Variants in CRHR1 observed in about 807,000 individuals in gnomAD.
The protein encoded by CRHR1 is corticotropin releasing hormone receptor 1.
In CRHR1, 28 loss-of-function variants were observed where a neutral mutation model predicts 56.0. That is an observed-to-expected ratio of 0.50 (90% CI 0.37 to 0.69). The LOEUF is 0.69. Among genes scored for constraint, CRHR1 ranks in the 30% least tolerant of loss-of-function variants. CRHR1 has a pLI of 0.00. For synonymous variants in CRHR1, 195 were observed against 216.5 expected (o/e 0.90, Z 0.87); for missense variants, 376 against 548.0 (o/e 0.69, Z 3.13).
rs551094849 is a variant in CRHR1, at chr17:45,834,704, C to T, written c.1188C>T (p.Ser396=). Residue 396 remains serine (S), a synonymous_variant, in exon 13 of 13, where the codon TCC becomes TCT. Transcript: ENST00000314537. ...SIRARVARAM[S]IPTSPTRVSF... The stretch of plus-strand genomic sequence containing the variant: ...GTGCCCGAGTGGCCCGTGCCATGTC[C>T]ATCCCCACCTCCCCAACCCGTGTCA... 3 of 1,613,810 alleles carry T rather than the reference C, an allele frequency of 1.9e-6. No individual in the cohort carries two copies. Among genetic ancestry groups the T allele is most frequent in the South Asian group, 2.2e-5 (2 of 91,086 alleles).
At chr17:45,807,663 G>A (rs140243461) in intron 2 of CRHR1, among the ~76,000 whole-genome samples, 276 of 152,326 alleles carry the variant, frequency 1.8e-3, no homozygotes, top group African/African-American at 6.5e-3. Context: ...AGTGGAGCAC[G>A]GGCAGCCCAG....
chr17:45,800,149 C>T (rs2061596311), intron 1 of CRHR1: 1 of 152,520 alleles, frequency 6.6e-6, no homozygotes, highest in African/African-American at 2.4e-5. Flanking sequence ...CCCATCTCTT[C>T]TGAGTTCCTT....
intron 1 of CRHR1, among the ~76,000 whole-genome samples, chr17:45,802,005 G>A (rs936146493): frequency 7.9e-5 from 12 of 151,354 alleles, no homozygotes; most frequent in Admixed American, 3.3e-4. Context: ...AGAATTCTCC[G>A]TGTTTTTTTT....
At chr17:45,824,629 C>T (rs1279190334) in intron 4 of CRHR1, among the ~76,000 whole-genome samples, 3 of 152,170 alleles carry the variant, frequency 2.0e-5, no homozygotes, top group South Asian at 2.1e-4. Flanking sequence ...GGAAGAGGAT[C>T]GGGAGCCCGG....
rs1351006284 is a variant in CRHR1 at position 45,835,546 on chromosome 17, G to A, written c.*782G>A. 1 of 152,596 alleles carries A rather than the reference G, an allele frequency of 6.6e-6. No homozygotes were observed. The highest frequency in any genetic ancestry group is 1.5e-5 in the Non-Finnish European group (1 of 68,280). 9.5% of individuals were successfully genotyped at this position (152,596 alleles called of 1,614,324 possible). ...CAGAGTGGCCTGTGAGCAAGAGCCAGGGGTGTCCCAGTCCCAGCCTCTGGG... is the reference window on the plus strand; with the variant it reads ...CAGAGTGGCCTGTGAGCAAGAGCCAAGGGTGTCCCAGTCCCAGCCTCTGGG... On this transcript the variant is annotated 3_prime_UTR_variant, in exon 13 of 13. Transcript: ENST00000314537.
At chr17:45,788,566 G>A (rs573973001) in intron 1 of CRHR1, among the ~76,000 whole-genome samples, 1 of 152,292 alleles carries the variant, frequency 6.6e-6, no homozygotes, top group Admixed American at 6.5e-5. Context: ...TGGGGGAAAT[G>A]CCTAACTCAG....
In CRHR1 at chr17:45,830,183, C is replaced by T. The variant is rs369177405; in HGVS notation, c.524C>T (p.Thr175Ile). ...GCCACCTGGTTCGTGGTCCAGCTAA[C>T]CATGAGCCCCGAGGTCCACCAGAGC... ...RNATWFVVQL[T>I]MSPEVHQSNV... The change falls in exon 6 of 13, where the codon ACC (threonine) becomes ATC (isoleucine). Residue 175 changes from threonine to isoleucine, a missense_variant. Thr to Ile is a moderately conservative substitution (Grantham distance 89). Around this residue, in one of 2 missense-constraint regions of CRHR1, gnomAD observed 369 missense variants for 519.5 expected, o/e 0.71. Coordinates refer to ENST00000314537, the MANE Select transcript of CRHR1 (RefSeq NM_004382.5). 1.9e-6 allele frequency: 3 copies of T among 1,614,036 alleles called. No homozygotes were observed. Among genetic ancestry groups the T allele is most frequent in the East Asian group, 2.2e-5 (1 of 44,882 alleles).
At chr17:45,830,267 G>A (rs1290396221) in intron 6 of CRHR1, 53 bp downstream of exon 6, 12 of 1,594,414 alleles carry the variant, frequency 7.5e-6, no homozygotes, top group Middle Eastern at 1.7e-4. Context: ...CAGGTCAGAG[G>A]AGGGGCCCGC....
At chr17:45,787,135 A>G (rs563981914) in intron 1 of CRHR1, among the ~76,000 whole-genome samples, 3 of 152,294 alleles carry the variant, frequency 2.0e-5, no homozygotes, top group South Asian at 2.1e-4. Flanking sequence ...GCCTCACACT[A>G]TAACAGTTAC....
Position 45,835,115 on chromosome 17 carries a change from C to T in CRHR1, c.*351C>T, listed in dbSNP as rs1291592250. On this transcript the variant is annotated 3_prime_UTR_variant, in exon 13 of 13. Coordinates refer to ENST00000314537, the MANE Select transcript of CRHR1 (RefSeq NM_004382.5). The stretch of plus-strand genomic sequence containing the variant: ...TTCTCCCAGAGCACAAGAAGGCCAG[C>T]CCACTGGGCCCTGGGGCTGCCCTCG... 3.6e-6 allele frequency: 1 copy of T among 280,556 alleles called. No homozygotes were observed. Among genetic ancestry groups the T allele is most frequent in the African/African-American group, 2.2e-5 (1 of 46,372 alleles). The allele number at this position is 280,556 out of a possible 1,614,324, so 17.4% of individuals were successfully genotyped here.
intron 1 of CRHR1, among the ~76,000 whole-genome samples, chr17:45,806,278 G>A (rs1304142768): frequency 2.0e-5 from 3 of 152,188 alleles, no homozygotes; most frequent in Non-Finnish European, 2.9e-5. Context: ...AGAGTGACAC[G>A]GAGCCTTCAG....
intron 2 of CRHR1, among the ~76,000 whole-genome samples, chr17:45,813,624 T>G (rs1446005509): frequency 6.6e-6 from 1 of 152,204 alleles, no homozygotes; most frequent in Non-Finnish European, 1.5e-5. Context: ...GAGGGGCAGC[T>G]GCCCAGATCA....
At chr17:45,804,865 A>C (rs2061691671) in intron 1 of CRHR1, among the ~76,000 whole-genome samples, 2 of 151,270 alleles carry the variant, frequency 1.3e-5, no homozygotes, top group African/African-American at 4.9e-5. Context: ...CCCAGGCTGG[A>C]GTGCAGTGGC....
chr17:45,830,868 T>G lies in CRHR1; in HGVS notation c.710-12T>G. 6.2e-7 allele frequency: 1 copy of G among 1,613,322 alleles called. No homozygotes were observed. Among genetic ancestry groups the G allele is most frequent in the South Asian group, 1.1e-5 (1 of 91,006 alleles). On this transcript the variant is annotated splice_polypyrimidine_tract_variant and intron_variant, in intron 7 of 12. Coordinates refer to ENST00000314537, the MANE Select transcript of CRHR1 (RefSeq NM_004382.5). ...CCGCTGAGGGCTCTGTGACAGCCCA[T>G]CTCTCCCCCAGGTGTGCCCTTCCCC...
intron 4 of CRHR1, chr17:45,825,512 G>T (rs1028999377): frequency 6.5e-6 from 1 of 154,650 alleles, no homozygotes; most frequent in Non-Finnish European, 1.5e-5. Flanking sequence ...CACAGCCTGG[G>T]AGAGCACACC....
Position 45,834,976 on chromosome 17 carries a change from G to A in CRHR1, c.*212G>A, listed in dbSNP as rs28364032. 48,610 of 624,724 alleles carry A rather than the reference G, an allele frequency of 0.078. 2,027 individuals carry two copies. Among genetic ancestry groups the A allele is most frequent in the East Asian group, 0.12 (4,380 of 35,532 alleles). 38.7% of individuals were successfully genotyped at this position (624,724 alleles called of 1,614,324 possible). A position where few individuals can be genotyped will look rare whatever the true frequency, so the allele number is the denominator to read the frequency against. ...GGAAAGTCACCTACAGGACTGGGCCGGGCCCAGGGCCTCTGGCTTCCCTGC... is the reference window on the plus strand; with the variant it reads ...GGAAAGTCACCTACAGGACTGGGCCAGGCCCAGGGCCTCTGGCTTCCCTGC... On this transcript the variant is annotated 3_prime_UTR_variant, in exon 13 of 13. Coordinates refer to ENST00000314537, the MANE Select transcript of CRHR1 (RefSeq NM_004382.5).
chr17:45,810,293 A>G (rs2061797788), intron 2 of CRHR1, among the ~76,000 whole-genome samples: 1 of 152,062 alleles, frequency 6.6e-6, no homozygotes, highest in African/African-American at 2.4e-5. Flanking sequence ...TCAAATAATA[A>G]TAATAATAAT....
chr17:45,790,564 C>A (rs950459570), intron 1 of CRHR1, among the ~76,000 whole-genome samples: 1 of 152,220 alleles, frequency 6.6e-6, no homozygotes, highest in Non-Finnish European at 1.5e-5. Flanking sequence ...TAAGCACAGG[C>A]AATTTGTCCA....
rs143994676 is a variant in CRHR1, at chr17:45,811,232, G to C, written c.121+4135G>C. Among the ~76,000 whole-genome samples the C allele has an allele frequency of 7.7e-3, 1,173 of 152,364 alleles. 18 individuals carry two copies. Among genetic ancestry groups the C allele is most frequent in the African/African-American group, 0.027 (1,109 of 41,590 alleles). The stretch of plus-strand genomic sequence containing the variant: ...TACCTGGGGGAAGAAGCCAGTGCCT[G>C]ATTGTGCACAGCACTAAATAGGCCA... On this transcript the variant is annotated intron_variant, in intron 2 of 12. Coordinates refer to ENST00000314537, the MANE Select transcript of CRHR1 (RefSeq NM_004382.5).
Sources: gnomAD v4.1 joint callset for allele counts (sites outside exome capture counted in the v4.1 genomes callset) on GRCh38, gnomAD v4.1.1 for gene constraint, gnomAD v4.1.1 regional missense constraint, MANE v1.5 for transcripts, NCBI Gene and HGNC (gene_info 2026-07-23, HGNC 2026-07-21) for gene names.